The following ROBO1 variants were observed in gnomAD, a reference collection of about 807,000 sequenced individuals.
ROBO1 encodes roundabout homolog 1.
ROBO1 carries 149 observed loss-of-function variants against 195.9 expected under a neutral mutation model. The ratio of observed to expected loss-of-function variants is 0.76; its 90% CI spans 0.67 to 0.87. The LOEUF (loss-of-function observed/expected upper bound fraction) is 0.87. Among genes scored for constraint, ROBO1 ranks in the 40% least tolerant of loss-of-function variants. The pLI is 0.00. For synonymous variants in ROBO1, 816 were observed against 733.2 expected (o/e 1.11, Z -1.82); for missense variants, 1,933 against 2,068.3 (o/e 0.93, Z 1.27).
chr3:79,219,399 A>C (rs1038692842), intron 2 of ROBO1, among the ~76,000 whole-genome samples: 48 of 152,002 alleles, frequency 3.2e-4, no homozygotes, highest in African/African-American at 1.2e-3. Flanking sequence ...TTTAATGGAC[A>C]TGTTAGCTTG....
intron 3 of ROBO1, among the ~76,000 whole-genome samples, chr3:79,031,901 T>C (rs899717543): frequency 4.6e-5 from 7 of 152,172 alleles, no homozygotes; most frequent in Admixed American, 3.9e-4. Flanking sequence ...AGTACTCTTC[T>C]AAATAATTCA....
At position 79,360,366 on chromosome 3, in the gene ROBO1, T is replaced by G. The variant is rs564582368; in HGVS notation, c.88+229458A>C. 5.3e-5 allele frequency among the ~76,000 whole-genome samples: 8 copies of G among 152,172 alleles called. No individual in the cohort carries two copies. The South Asian group carries it at 1.7e-3, about 32-fold the overall frequency. ...GAATAAATTTTCTGAGGTTTTTAAA[T>G]TTTCTGTTGACATTAGTTGATAAAA... On this transcript the variant is annotated intron_variant, in intron 2 of 30. Transcript: ENST00000464233.
At chr3:79,739,203 A>G (rs181937978) in intron 1 of ROBO1, among the ~76,000 whole-genome samples, 1 of 152,328 alleles carries the variant, frequency 6.6e-6, no homozygotes, top group East Asian at 1.9e-4. Context: ...TAAGTCATTA[A>G]TCTTGACCTC....
intron 4 of ROBO1, among the ~76,000 whole-genome samples, chr3:78,747,757 T>C (rs1318917098): frequency 1.3e-5 from 2 of 152,186 alleles, no homozygotes; most frequent in African/African-American, 4.8e-5. Flanking sequence ...CAAGCAGTAT[T>C]TTGTAACTGT....
intron 2 of ROBO1, among the ~76,000 whole-genome samples, chr3:79,488,464 T>C (rs910381887): frequency 6.6e-6 from 1 of 152,116 alleles, no homozygotes; most frequent in Non-Finnish European, 1.5e-5. Flanking sequence ...GAGAATGACA[T>C]CAAGAATAAG....
intron 1 of ROBO1, among the ~76,000 whole-genome samples, chr3:79,652,291 T>A (rs919574199): frequency 6.6e-6 from 1 of 152,004 alleles, no homozygotes; most frequent in Non-Finnish European, 1.5e-5. Flanking sequence ...TTGTCTTTCT[T>A]GTCTCTCTTT....
At chr3:79,437,818 A>C (rs1239903422) in intron 2 of ROBO1, among the ~76,000 whole-genome samples, 2 of 151,954 alleles carry the variant, frequency 1.3e-5, no homozygotes, top group Admixed American at 1.3e-4. Flanking sequence ...CCTTGAAAAC[A>C]CACATGAAGG....
intron 4 of ROBO1, among the ~76,000 whole-genome samples, chr3:78,897,596 C>G (rs1444276815): frequency 6.6e-6 from 1 of 151,068 alleles, no homozygotes; most frequent in Non-Finnish European, 1.5e-5. Flanking sequence ...TAAAAGATTG[C>G]CAAAAACACA....
chr3:79,606,155 T>C (rs994026702), intron 1 of ROBO1, among the ~76,000 whole-genome samples: 7 of 143,740 alleles, frequency 4.9e-5, no homozygotes, highest in Admixed American at 4.8e-4. Context: ...AATTTACTCA[T>C]TTAAAAAAAA....
chr3:78,704,808 C>T (rs545763892), intron 8 of ROBO1, among the ~76,000 whole-genome samples: 2 of 151,978 alleles, frequency 1.3e-5, no homozygotes, highest in Admixed American at 6.6e-5. Flanking sequence ...TGCCACTGCA[C>T]GCTAACCTGG....
rs561520964 is a variant in ROBO1 at position 79,610,836 on chromosome 3, G to A, written c.-50-20875C>T. On this transcript the variant is annotated intron_variant, in intron 1 of 30. Transcript: ENST00000464233. ...TAAATGATTATGCTTCAAGAACAAC[G>A]GAATTGTAACACAGGTATCATGGAA... Among the ~76,000 whole-genome samples the A allele has an allele frequency of 2.4e-4, 36 of 152,110 alleles. 1 individual carries two copies. Among genetic ancestry groups the A allele is most frequent in the African/African-American group, 8.4e-4 (35 of 41,528 alleles).
At chr3:78,683,956 C>T (rs1013823546) in intron 10 of ROBO1, among the ~76,000 whole-genome samples, 3 of 151,678 alleles carry the variant, frequency 2.0e-5, no homozygotes, top group African/African-American at 7.3e-5. Context: ...TCCCTAAAAC[C>T]ATCATTAAGA....
intron 3 of ROBO1, chr3:79,018,613 G>T (rs2078017975): frequency 2.1e-6 from 3 of 1,458,004 alleles, no homozygotes; most frequent in Non-Finnish European, 2.7e-6. Context: ...ATTACTCGTC[G>T]ACCTTTCCGG....
At chr3:78,681,099 C>T (rs1036259090) in intron 10 of ROBO1, among the ~76,000 whole-genome samples, 3 of 151,584 alleles carry the variant, frequency 2.0e-5, no homozygotes, top group Non-Finnish European at 2.9e-5. Context: ...AACCAAACAC[C>T]GCATGTTCTC....
chr3:79,596,033 A>G (rs1388746799), intron 1 of ROBO1, among the ~76,000 whole-genome samples: 1 of 152,016 alleles, frequency 6.6e-6, no homozygotes, highest in East Asian at 1.9e-4. Flanking sequence ...CTTCCTCTTT[A>G]CATATGAGAT....
At chr3:78,891,446 G>A (rs1355452197) in intron 4 of ROBO1, among the ~76,000 whole-genome samples, 2 of 152,102 alleles carry the variant, frequency 1.3e-5, no homozygotes, top group Non-Finnish European at 2.9e-5. Flanking sequence ...AAGTAAAAAA[G>A]AATGATGACA....
chr3:78,971,573 A>C (rs1206306411), intron 3 of ROBO1, among the ~76,000 whole-genome samples: 1 of 152,172 alleles, frequency 6.6e-6, no homozygotes, highest in Non-Finnish European at 1.5e-5. Context: ...AAAATGGGTA[A>C]AGTGGCCAGG....
intron 4 of ROBO1, among the ~76,000 whole-genome samples, chr3:78,780,262 T>A (rs1037190074): frequency 6.6e-6 from 1 of 151,998 alleles, no homozygotes; most frequent in Admixed American, 6.6e-5. Context: ...TAAAAAAAAA[T>A]TCACATATGT....
chr3:78,604,404 C>T (rs886928760), intron 29 of ROBO1, among the ~76,000 whole-genome samples: 3 of 152,176 alleles, frequency 2.0e-5, no homozygotes, highest in African/African-American at 7.2e-5. Context: ...GCAGGAATTG[C>T]TCCATACTTT....
Sources: allele counts gnomAD v4.1 joint callset (sites outside exome capture counted in the v4.1 genomes callset), GRCh38; gene constraint gnomAD v4.1.1; transcripts MANE v1.5; gene names NCBI Gene and HGNC (gene_info 2026-07-23, HGNC 2026-07-21).